Variants in PBX1 observed in about 807,000 individuals in gnomAD.
The protein encoded by PBX1 is pre-B-cell leukemia transcription factor 1.
In PBX1, 6 loss-of-function variants were observed where a neutral mutation model predicts 53.4. The ratio of observed to expected loss-of-function variants is 0.11; its 90% confidence interval spans 0.06 to 0.22. PBX1 has a LOEUF of 0.22. PBX1 is among the 10% of genes least tolerant of loss of function. PBX1 has a pLI of 1.00. For synonymous variants in PBX1, 204 were observed against 212.3 expected (o/e 0.96, Z 0.34); for missense variants, 251 against 551.4 (o/e 0.46, Z 5.46).
chr1:164,783,883 G>A (rs1282055740), intron 2 of PBX1, among the ~76,000 whole-genome samples: 6 of 152,116 alleles, frequency 3.9e-5, no homozygotes, highest in South Asian at 2.1e-4. Flanking sequence ...ACTGAGACTC[G>A]GAACTGCAGA....
rs572139570 is a variant in PBX1 at position 164,625,534 on chromosome 1, G to T, written c.265+62223G>T. Among the ~76,000 whole-genome samples, 14 of 152,270 alleles carry T rather than the reference G, an allele frequency of 9.2e-5. No individual in the cohort carries two copies. In the South Asian group the frequency reaches 2.3e-3, roughly 25 times the overall value. On this transcript the variant is annotated intron_variant, in intron 2 of 8. Transcript: ENST00000420696. ...GATTCTGTTATTACGTCTGATGTTT[G>T]TTTCTAGTTAAAAATGAGAAGTAAT...
chr1:164,769,705 A>C (rs148838054), intron 2 of PBX1, among the ~76,000 whole-genome samples: 4 of 152,184 alleles, frequency 2.6e-5, no homozygotes, highest in African/African-American at 9.7e-5. Context: ...AATAACTTAT[A>C]TATAAGTGAT....
intron 2 of PBX1, among the ~76,000 whole-genome samples, chr1:164,695,990 G>A (rs939487995): frequency 3.3e-5 from 5 of 152,194 alleles, no homozygotes; most frequent in African/African-American, 1.2e-4. Context: ...GAAAATACAG[G>A]AAGTAGGATA....
chr1:164,871,598 G>A (rs537048691), intron 2 of PBX1, among the ~76,000 whole-genome samples: 45 of 152,292 alleles, frequency 3.0e-4, no homozygotes, highest in African/African-American at 1.1e-3. Context: ...TGGAGGAAAC[G>A]TCAGGTCTGG....
intron 2 of PBX1, among the ~76,000 whole-genome samples, chr1:164,721,114 G>A (rs568890743): frequency 1.3e-5 from 2 of 152,318 alleles, no homozygotes; most frequent in Admixed American, 6.5e-5. Flanking sequence ...CTAATCCTGC[G>A]AGTCTGTAAG....
At chr1:164,565,452 C>CACACA in intron 2 of PBX1, among the ~76,000 whole-genome samples, 1 of 151,458 alleles carries the variant, frequency 6.6e-6, no homozygotes, top group East Asian at 1.9e-4. Context: ...CACACACACA[C>CACACA]AAGTCTTGGA....
rs916042791 is a variant in PBX1, at chr1:164,590,891, C to T, written c.265+27580C>T. On this transcript the variant is annotated intron_variant, in intron 2 of 8. Transcript: ENST00000420696. Reference sequence around the variant, plus strand: ...ACAAGATCTTACTCTGTCACCCAGGCTGGAGGGCAGTGGTGCGATCTCGGC... The same window carrying T: ...ACAAGATCTTACTCTGTCACCCAGGTTGGAGGGCAGTGGTGCGATCTCGGC... Among the ~76,000 whole-genome samples, 6 of 152,286 alleles carry T rather than the reference C, an allele frequency of 3.9e-5. No individual in the cohort carries two copies. In the East Asian group the frequency reaches 1.2e-3, roughly 29 times the overall value.
At chr1:164,785,513 C>T (rs1322717365) in intron 2 of PBX1, among the ~76,000 whole-genome samples, 2 of 152,184 alleles carry the variant, frequency 1.3e-5, no homozygotes, top group Admixed American at 6.5e-5. Flanking sequence ...GTATGTGCAT[C>T]AGTTGGATGC....
intron 2 of PBX1, among the ~76,000 whole-genome samples, chr1:164,704,570 T>C (rs1441956800): frequency 6.6e-6 from 1 of 152,186 alleles, no homozygotes; most frequent in Non-Finnish European, 1.5e-5. Context: ...TTTTATACCT[T>C]AACTGATCTC....
chr1:164,676,445 G>A (rs1426600343), intron 2 of PBX1, among the ~76,000 whole-genome samples: 3 of 152,158 alleles, frequency 2.0e-5, no homozygotes, highest in South Asian at 2.1e-4. Flanking sequence ...AGGCAAGGCC[G>A]AGAGGCAGGA....
chr1:164,747,510 T>G (rs553311730), intron 2 of PBX1, among the ~76,000 whole-genome samples: 4 of 152,272 alleles, frequency 2.6e-5, no homozygotes, highest in African/African-American at 9.6e-5. Context: ...AGATAGACTT[T>G]AGGTTAGAAC....
In PBX1 at chr1:164,848,148, T is replaced by C; in HGVS notation, c.*1472T>C. 1 of 1,050,272 alleles carries C rather than the reference T, an allele frequency of 9.5e-7. No individual in the cohort carries two copies. The highest frequency in any genetic ancestry group is 1.1e-6 in the Non-Finnish European group (1 of 869,846). The allele number at this position is 1,050,272 out of a possible 1,614,324, so 65.1% of individuals were successfully genotyped here. On this transcript the variant is annotated 3_prime_UTR_variant, in exon 9 of 9. Coordinates refer to ENST00000420696, the MANE Select transcript of PBX1 (RefSeq NM_002585.4). ...CATGGGGAAAGGGAAGGTAATGTTT[T>C]CATTGAAATCATCACAGTGATTTTT...
intron 2 of PBX1, among the ~76,000 whole-genome samples, chr1:164,720,418 A>T (rs1468540549): frequency 2.6e-5 from 4 of 152,138 alleles, no homozygotes; most frequent in Non-Finnish European, 5.9e-5. Flanking sequence ...CCTGAAGTGA[A>T]CATGCTGACC....
chr1:164,843,310 T>A (rs921797806), intron 8 of PBX1, among the ~76,000 whole-genome samples: 1 of 152,200 alleles, frequency 6.6e-6, no homozygotes, highest in Non-Finnish European at 1.5e-5. Context: ...AGTATTTGTG[T>A]TTCTCTAACT....
chr1:164,764,776 T>G (rs973398367), intron 2 of PBX1, among the ~76,000 whole-genome samples: 1 of 152,178 alleles, frequency 6.6e-6, no homozygotes, highest in Non-Finnish European at 1.5e-5. Flanking sequence ...ATGCGTAGGT[T>G]TCTTATCTAA....
chr1:164,579,048 G>C, intron 2 of PBX1, among the ~76,000 whole-genome samples: 1 of 151,936 alleles, frequency 6.6e-6, no homozygotes, highest in South Asian at 2.1e-4. Context: ...CGCTGAATAG[G>C]CATTCTGTGA....
At chr1:164,750,891 C>CA (rs1666175526) in intron 2 of PBX1, among the ~76,000 whole-genome samples, 1 of 152,142 alleles carries the variant, frequency 6.6e-6, no homozygotes, top group Non-Finnish European at 1.5e-5. Context: ...TTAGCTACTT[C>CA]AGGCCTGTTG....
At chr1:164,621,371 G>T (rs886660740) in intron 2 of PBX1, among the ~76,000 whole-genome samples, 1 of 152,162 alleles carries the variant, frequency 6.6e-6, no homozygotes, top group African/African-American at 2.4e-5. Context: ...CCCCAACGGG[G>T]GCGAGAATTA....
At chr1:164,612,719 A>G (rs541600959) in intron 2 of PBX1, among the ~76,000 whole-genome samples, 13 of 152,294 alleles carry the variant, frequency 8.5e-5, no homozygotes, top group African/African-American at 2.6e-4. Context: ...GAGATGCAGA[A>G]TATGATGGGG....
Sources: gnomAD v4.1 joint callset for allele counts (sites outside exome capture counted in the v4.1 genomes callset) on GRCh38, gnomAD v4.1.1 for gene constraint, MANE v1.5 for transcripts, NCBI Gene and HGNC (gene_info 2026-07-23, HGNC 2026-07-21) for gene names.